The following TRPM2 variants were observed in gnomAD, a reference collection of about 807,000 sequenced individuals.
TRPM2 encodes the protein transient receptor potential cation channel subfamily M member 2.
In TRPM2, 161 loss-of-function variants were observed where a neutral mutation model predicts 174.0. The ratio of observed to expected loss-of-function variants is 0.93; its 90% confidence interval spans 0.81 to 1.05. The LOEUF is 1.05. Ranked by LOEUF, TRPM2 falls within the 50% of genes least tolerant of loss-of-function variation. The pLI, the probability that TRPM2 is intolerant of heterozygous loss-of-function variation, is 0.00. For synonymous variants in TRPM2, 954 were observed against 861.3 expected, an observed-to-expected ratio of 1.11 and a Z score of -1.88; for missense variants, 2,057 against 2,038.0, an observed-to-expected ratio of 1.01 and a Z score of -0.18.
At chr21:44,410,987 T>C (rs912379047) in intron 19 of TRPM2, among the ~76,000 whole-genome samples, 4 of 150,766 alleles carry the variant, frequency 2.7e-5, no homozygotes, top group Non-Finnish European at 5.9e-5. Flanking sequence ...CACACTGTCT[T>C]GGTGAGCGTA....
At chr21:44,416,674 T>C (rs1271235709) in intron 20 of TRPM2, 1 of 184,716 alleles carries the variant, frequency 5.4e-6, no homozygotes, top group Non-Finnish European at 1.1e-5. Context: ...AAGCCTGGAA[T>C]TGTGAGGTCT....
intron 9 of TRPM2, among the ~76,000 whole-genome samples, chr21:44,383,067 G>A (rs550770727): frequency 6.6e-6 from 1 of 152,296 alleles, no homozygotes; most frequent in Admixed American, 6.5e-5. Flanking sequence ...TACCTTTGTA[G>A]TGGTCATAAT....
intron 18 of TRPM2, 27 bp downstream of exon 18, chr21:44,406,064 T>C: frequency 6.3e-7 from 1 of 1,599,956 alleles, no homozygotes; most frequent in Non-Finnish European, 8.5e-7. Flanking sequence ...ACCGGCTCCA[T>C]CGCGGCCTGC....
intron 22 of TRPM2, among the ~76,000 whole-genome samples, chr21:44,421,754 TA>T (rs199942576): frequency 6.6e-6 from 1 of 151,598 alleles, no homozygotes; most frequent in African/African-American, 2.4e-5. Flanking sequence ...CTACAAAAAA[TA>T]AAAAAACAAC....
chr21:44,355,014 G>A (rs1185949953), intron 2 of TRPM2, among the ~76,000 whole-genome samples: 1 of 151,942 alleles, frequency 6.6e-6, no homozygotes, highest in Non-Finnish European at 1.5e-5. Context: ...CGCGCGGCGA[G>A]GCCCAGTGGT....
At chr21:44,409,898 C>T (rs1351374265) in intron 19 of TRPM2, among the ~76,000 whole-genome samples, 1 of 151,152 alleles carries the variant, frequency 6.6e-6, no homozygotes, top group Non-Finnish European at 1.5e-5. Context: ...TTTGACCGCA[C>T]TGTCTTGGCG....
intron 14 of TRPM2, among the ~76,000 whole-genome samples, 160 bp from the exon 15 acceptor site, chr21:44,400,099 C>G (rs2049564789): frequency 6.6e-6 from 1 of 152,166 alleles, no homozygotes. Flanking sequence ...ATTGGACACC[C>G]AAAGCCCCAG....
At position 44,425,864 on chromosome 21, in the gene TRPM2, C is replaced by T. The variant is rs543297817; in HGVS notation, c.3795+37C>T. On this transcript the variant is annotated intron_variant, in intron 25 of 31. Transcript: ENST00000397928. ...CCCAAGCCCAACCAGGCGGAGTGGC[C>T]GGGCCCCTGGGGAGGGGAGGGCGGC... 1.8e-4 allele frequency: 273 copies of T among 1,504,002 alleles called. 3 individuals are homozygous for T. The East Asian group carries it at 5.6e-3, about 31-fold the overall frequency. 93.2% of individuals were successfully genotyped at this position (1,504,002 alleles called of 1,614,324 possible). A position where few individuals can be genotyped will look rare whatever the true frequency, so the allele number is the denominator to read the frequency against.
chr21:44,412,450 C>A (rs1326851819), intron 19 of TRPM2, among the ~76,000 whole-genome samples: 1 of 152,060 alleles, frequency 6.6e-6, no homozygotes, highest in Non-Finnish European at 1.5e-5. Context: ...TCCTCTCTTT[C>A]ATTTCTGATT....
At position 44,376,612 on chromosome 21, in the gene TRPM2, A is replaced by G. The variant is rs947488945; in HGVS notation, c.952+599A>G. 2.0e-5 allele frequency among the ~76,000 whole-genome samples: 3 copies of G among 152,238 alleles called. No homozygotes were observed. The highest frequency in any genetic ancestry group is 2.9e-5 in the Non-Finnish European group (2 of 68,040). On this transcript the variant is annotated intron_variant, in intron 6 of 31. Transcript: ENST00000397928. The surrounding 1 kb of genome is among the most constrained non-coding windows in gnomAD (Gnocchi z 4.2). ...TCAGAAATCAGAATGTACGATAGTC[A>G]AAACTTAGGATTTGATACCTTTTTC... is the stretch of plus-strand genomic sequence containing the variant.
intron 9 of TRPM2, among the ~76,000 whole-genome samples, chr21:44,386,246 G>A (rs913295272): frequency 2.6e-5 from 4 of 152,050 alleles, no homozygotes; most frequent in Admixed American, 6.6e-5. Context: ...TTAGCTGGGC[G>A]TGGTGGCGAG....
In TRPM2 at chr21:44,366,447, G is replaced by A. The variant is rs1237726624; in HGVS notation, c.424-307G>A. On this transcript the variant is annotated intron_variant, in intron 3 of 31. Transcript: ENST00000397928. The surrounding 1 kb of genome is among the most constrained non-coding windows in gnomAD (Gnocchi z 6.0). Reference sequence around the variant, plus strand: ...AGTCTGTGCTGGCGCATGTTTGGGAGGCGCTCCCAAAATCGAGAGGAAGAG... The same window carrying A: ...AGTCTGTGCTGGCGCATGTTTGGGAAGCGCTCCCAAAATCGAGAGGAAGAG... Among the ~76,000 whole-genome samples the A allele has an allele frequency of 6.6e-6, 1 of 152,116 alleles. No individual in the cohort carries two copies. The highest frequency in any genetic ancestry group is 1.5e-5 in the Non-Finnish European group (1 of 68,014).
intron 27 of TRPM2, among the ~76,000 whole-genome samples, chr21:44,433,545 C>T (rs571092149): frequency 2.0e-5 from 3 of 152,248 alleles, no homozygotes; most frequent in South Asian, 2.1e-4. Flanking sequence ...GAGTGAGAGA[C>T]GGGCTTGGGG....
In TRPM2 at chr21:44,424,907, G is replaced by A; in HGVS notation, c.3605G>A (p.Gly1202Asp). Residue 1202 changes from glycine (G) to aspartate (D), a missense_variant, in exon 24 of 32, where the codon GGC becomes GAC. Coordinates refer to ENST00000397928, the MANE Select transcript of TRPM2 (RefSeq NM_003307.4). ...ATCGTGAGGACGCTGCGGGCCAGCG[G>A]CTTCAGCTCGGAGGCGGACGTCCCC... ...HWIVRTLRAS[G>D]FSSEADVPTL... 6.2e-7 allele frequency: 1 copy of A among 1,607,972 alleles called. No individual in the cohort carries two copies. Among genetic ancestry groups the A allele is most frequent in the Non-Finnish European group, 8.5e-7 (1 of 1,178,640 alleles).
rs376332797 is a variant in TRPM2, at chr21:44,406,887, G to A, written c.2962+122G>A. ...TCAGGGGGTCCTGCGGTTCCCACCT[G>A]GCCGGTGTCCTCCCTGGGGGCATTC... On this transcript the variant is annotated intron_variant, in intron 19 of 31. Coordinates refer to ENST00000397928, the MANE Select transcript of TRPM2 (RefSeq NM_003307.4). 6 of 1,298,332 alleles carry A rather than the reference G, an allele frequency of 4.6e-6. No homozygotes were observed. In the Admixed American group the frequency reaches 1.0e-4, roughly 22 times the overall value. 80.4% of individuals were successfully genotyped at this position (1,298,332 alleles called of 1,614,324 possible).
chr21:44,436,662 C>A (rs2051282281), intron 28 of TRPM2, among the ~76,000 whole-genome samples: 1 of 146,538 alleles, frequency 6.8e-6, no homozygotes, highest in Non-Finnish European at 1.5e-5. Flanking sequence ...CCCCACATCA[C>A]CCCCAGGCTG....
rs200929117 is a variant in TRPM2, at chr21:44,406,074, C to T, written c.2790+37C>T. 1.9e-3 allele frequency: 3,078 copies of T among 1,597,580 alleles called. 64 individuals carry two copies. The South Asian group carries it at 0.032, about 16-fold the overall frequency. Reference sequence around the variant, plus strand: ...GGGGCACCGGCTCCATCGCGGCCTGCAGCCCAGGGTGGGCCTCGGGGAGGG... The same window carrying T: ...GGGGCACCGGCTCCATCGCGGCCTGTAGCCCAGGGTGGGCCTCGGGGAGGG... On this transcript the variant is annotated intron_variant, in intron 18 of 31. Coordinates refer to ENST00000397928, the MANE Select transcript of TRPM2 (RefSeq NM_003307.4).
chr21:44,418,564 G>C lies in TRPM2; in HGVS notation c.3461+9G>C. The C allele has an allele frequency of 6.2e-7, 1 of 1,613,722 alleles. No individual in the cohort carries two copies. Among genetic ancestry groups the C allele is most frequent in the South Asian group, 1.1e-5 (1 of 91,086 alleles). ...GAGGACATCAGCAATAAGTATGGGG[G>C]CTCCGGTGGGCCTGGGGGCGGGAAG... On this transcript the variant is annotated intron_variant, in intron 22 of 31. Transcript: ENST00000397928.
In TRPM2 at chr21:44,441,818, CTG is replaced by C. The variant is rs775303427; in HGVS notation, c.*4_*5del. Reference sequence around the variant, plus strand: ...CGCTGAGTTCGGGGCTCACTACTGACTGTGCCCTCAGGCTGGGCGGCTCCAGT... The same window carrying C: ...CGCTGAGTTCGGGGCTCACTACTGACTGCCCTCAGGCTGGGCGGCTCCAGT... On this transcript the variant is annotated 3_prime_UTR_variant, in exon 32 of 32. Coordinates refer to ENST00000397928, the MANE Select transcript of TRPM2 (RefSeq NM_003307.4). The C allele has an allele frequency of 6.2e-7, 1 of 1,601,470 alleles. No homozygotes were observed. The highest frequency in any genetic ancestry group is 1.3e-5 in the African/African-American group (1 of 74,816).
Sources: gnomAD v4.1 joint callset for allele counts (sites outside exome capture counted in the v4.1 genomes callset) on GRCh38, gnomAD v4.1.1 for gene constraint, Gnocchi (gnomAD v3.1) non-coding constraint, MANE v1.5 for transcripts, NCBI Gene and HGNC (gene_info 2026-07-23, HGNC 2026-07-21) for gene names.